Variants in BAZ2B observed in about 807,000 individuals in gnomAD.
BAZ2B encodes bromodomain adjacent to zinc finger domain protein 2B.
Under a neutral mutation model 246.0 loss-of-function variants are expected in BAZ2B, and 91 were observed. The ratio of observed to expected loss-of-function variants is 0.37; its 90% CI spans 0.31 to 0.44. BAZ2B has a LOEUF of 0.44. Among genes scored for constraint, BAZ2B ranks in the 20% least tolerant of loss-of-function variants. BAZ2B has a pLI of 1.00. For synonymous variants in BAZ2B, 855 were observed against 860.0 expected (o/e 0.99, Z 0.10); for missense variants, 2,332 against 2,533.7 (o/e 0.92, Z 1.71).
chr2:159,668,768 T>C, the BAZ2B span, among the ~76,000 whole-genome samples: 22 of 152,210 alleles, frequency 1.4e-4, no homozygotes, highest in African/African-American at 5.1e-4. Context: ...CTTTGTTTTC[T>C]AATTTAAGAA....
intron 33 of BAZ2B, among the ~76,000 whole-genome samples, chr2:159,334,243 T>C (rs1487943829): frequency 1.3e-5 from 2 of 152,164 alleles, no homozygotes; most frequent in African/African-American, 2.4e-5. Context: ...GTGACAGATA[T>C]CAAACTCATA....
upstream of BAZ2B, among the ~76,000 whole-genome samples, chr2:159,618,273 CTGGCCTAAGGT>C (rs1410742942): frequency 6.6e-6 from 1 of 152,190 alleles, no homozygotes; most frequent in East Asian, 1.9e-4. Context: ...ACAGTAAAAA[CTGGCCTAAGGT>C]TCAAATGCAT....
At chr2:159,506,290 G>A (rs1427765595) in intron 2 of BAZ2B, among the ~76,000 whole-genome samples, 2 of 152,012 alleles carry the variant, frequency 1.3e-5, no homozygotes, top group African/African-American at 4.8e-5. Flanking sequence ...TATATCCAGA[G>A]CGAGCCAGGA....
chr2:159,427,963 T>G lies in BAZ2B; in HGVS notation c.2444A>C (p.Tyr815Ser). The G allele has an allele frequency of 6.2e-7, 1 of 1,613,456 alleles. No homozygotes were observed. The highest frequency in any genetic ancestry group is 8.5e-7 in the Non-Finnish European group (1 of 1,179,480). ...FSAKIRVGDFYEARDGPQGMQ... is the reference protein window; with the variant it reads ...FSAKIRVGDFSEARDGPQGMQ... The stretch of plus-strand genomic sequence containing the variant: ...TACCTGCGGTCCATCTCTGGCTTCA[T>G]AGAAGTCACCCACTCTTATTTTTGC... Residue 815 changes from tyrosine (Y) to serine (S), a missense_variant, in exon 13 of 37, where the codon TAT (tyrosine) becomes TCT (serine). Physicochemically the swap from Tyr to Ser is moderately radical, Grantham distance 144 (BLOSUM62 -2). This residue lies in a region of BAZ2B where 651 missense variants were observed against 650.9 expected (regional missense o/e 1.00). Transcript: ENST00000392783.
At chr2:159,706,898 T>G in the BAZ2B span, among the ~76,000 whole-genome samples, 2 of 152,230 alleles carry the variant, frequency 1.3e-5, no homozygotes, top group African/African-American at 4.8e-5. Context: ...TTGATGGGCC[T>G]CATCCTGTCA....
chr2:159,530,374 C>A (rs1482335282), intron 2 of BAZ2B, among the ~76,000 whole-genome samples: 1 of 152,176 alleles, frequency 6.6e-6, no homozygotes, highest in Non-Finnish European at 1.5e-5. Context: ...CTCATAGTGA[C>A]ATATATTCCC....
intron 3 of BAZ2B, among the ~76,000 whole-genome samples, chr2:159,476,487 T>G (rs1426957185): frequency 6.6e-6 from 1 of 152,044 alleles, no homozygotes; most frequent in Non-Finnish European, 1.5e-5. Context: ...CTCGGCATAC[T>G]CCATCCCTTC....
chr2:159,711,527 G>A, the BAZ2B span, among the ~76,000 whole-genome samples: 1 of 151,896 alleles, frequency 6.6e-6, no homozygotes, highest in Non-Finnish European at 1.5e-5. Context: ...TGGATCCAAA[G>A]GATTGCTTTT....
the BAZ2B span, among the ~76,000 whole-genome samples, chr2:159,674,406 G>GAACAA: frequency 4.0e-5 from 6 of 148,902 alleles, no homozygotes; most frequent in Non-Finnish European, 8.9e-5. Context: ...AAAGAGAAGA[G>GAACAA]AAGAAAAGAA....
the BAZ2B span, among the ~76,000 whole-genome samples, chr2:159,687,957 G>C: frequency 1.3e-5 from 2 of 152,194 alleles, no homozygotes; most frequent in Admixed American, 6.5e-5. Flanking sequence ...TTTGGTATCA[G>C]AAATGTTGTG....
intron 2 of BAZ2B, among the ~76,000 whole-genome samples, chr2:159,513,462 A>C (rs1370158057): frequency 6.6e-6 from 1 of 152,156 alleles, no homozygotes; most frequent in Admixed American, 6.5e-5. Context: ...CCACTTGCAT[A>C]TCTAATGAAC....
intron 2 of BAZ2B, among the ~76,000 whole-genome samples, chr2:159,538,217 C>T (rs1282596676): frequency 1.3e-5 from 2 of 152,046 alleles, no homozygotes; most frequent in East Asian, 3.9e-4. Flanking sequence ...AGGCTGGACT[C>T]GAACTCCTGT....
chr2:159,497,439 T>C (rs1488127395), intron 2 of BAZ2B, among the ~76,000 whole-genome samples: 3 of 152,204 alleles, frequency 2.0e-5, no homozygotes, highest in South Asian at 4.1e-4. Context: ...CTTCCTGATG[T>C]TGAGGAAATC....
At chr2:159,642,097 C>A in the BAZ2B span, among the ~76,000 whole-genome samples, 10 of 152,088 alleles carry the variant, frequency 6.6e-5, no homozygotes, top group African/African-American at 2.4e-4. Context: ...TTAACTATAG[C>A]AGAAATTGAA....
chr2:159,435,930 A>ATATT (rs1274924337), intron 8 of BAZ2B, among the ~76,000 whole-genome samples: 2 of 152,252 alleles, frequency 1.3e-5, no homozygotes, highest in African/African-American at 4.8e-5. Flanking sequence ...CTGTCACAAA[A>ATATT]TATTTGTACC....
chr2:159,453,857 T>C (rs1577211154), intron 3 of BAZ2B, 56 bp from the exon 4 acceptor site: 20 of 1,358,012 alleles, frequency 1.5e-5, no homozygotes, highest in Admixed American at 3.0e-5. Flanking sequence ...ATGAGACTTA[T>C]CTGATTTCAG....
intron 20 of BAZ2B, chr2:159,392,006 A>G (rs1434565636): frequency 6.6e-6 from 1 of 152,154 alleles, no homozygotes; most frequent in African/African-American, 2.4e-5. Context: ...CCACCAACTA[A>G]TATTTATAAT....
intron 25 of BAZ2B, among the ~76,000 whole-genome samples, chr2:159,379,838 T>C (rs965292960): frequency 1.3e-5 from 2 of 152,180 alleles, no homozygotes; most frequent in East Asian, 3.9e-4. Flanking sequence ...TAGACTTCCT[T>C]AGCTAAGAGC....
intron 12 of BAZ2B, 111 bp downstream of exon 12, chr2:159,428,200 G>C: frequency 8.9e-7 from 1 of 1,125,512 alleles, no homozygotes; most frequent in Non-Finnish European, 1.3e-6. Flanking sequence ...TCCCATACAA[G>C]AGAATATTTA....
Sources: allele counts gnomAD v4.1 joint callset (sites outside exome capture counted in the v4.1 genomes callset), GRCh38; gene constraint gnomAD v4.1.1; regional missense constraint gnomAD v4.1.1; transcripts MANE v1.5; gene names NCBI Gene and HGNC (gene_info 2026-07-23, HGNC 2026-07-21).